The following CADM1 variants were observed in gnomAD, a reference collection of about 807,000 sequenced individuals.
CADM1 encodes the protein cell adhesion molecule 1.
A neutral mutation model predicts 53.1 loss-of-function variants in CADM1; 15 were observed. The observed-to-expected ratio is 0.28, with a 90% CI of 0.19 to 0.44. The LOEUF is 0.44. Among genes scored for constraint, CADM1 ranks in the 20% least tolerant of loss-of-function variants. CADM1 has a pLI of 1.00. For missense variants in CADM1, 434 were observed against 611.3 expected, an observed-to-expected ratio of 0.71 and a Z score of 3.06; for synonymous variants, 281 against 243.0, an observed-to-expected ratio of 1.16 and a Z score of -1.45.
At chr11:115,417,540 A>C (rs1331602349) in intron 1 of CADM1, among the ~76,000 whole-genome samples, 1 of 152,218 alleles carries the variant, frequency 6.6e-6, no homozygotes, top group African/African-American at 2.4e-5. Context: ...AAACAGAATA[A>C]GTAAAATGAA....
At chr11:115,217,802 G>A in intron 6 of CADM1, 90 bp downstream of exon 6, 1 of 825,166 alleles carries the variant, frequency 1.2e-6, no homozygotes, top group Non-Finnish European at 2.2e-6. Context: ...CAGGAGACAG[G>A]TGACAGGCCA....
intron 1 of CADM1, among the ~76,000 whole-genome samples, chr11:115,483,276 T>C (rs1949296343): frequency 6.6e-6 from 1 of 152,234 alleles, no homozygotes; most frequent in African/African-American, 2.4e-5. Flanking sequence ...GCTTAAGAGT[T>C]GCATTAACCT....
At chr11:115,414,015 AC>A (rs1449511605) in intron 1 of CADM1, among the ~76,000 whole-genome samples, 1 of 151,996 alleles carries the variant, frequency 6.6e-6, no homozygotes, top group Non-Finnish European at 1.5e-5. Context: ...ATGATATCAC[AC>A]TCATAAGGAA....
chr11:115,293,427 C>G (rs759980812), intron 1 of CADM1, among the ~76,000 whole-genome samples: 9 of 151,960 alleles, frequency 5.9e-5, no homozygotes, highest in Non-Finnish European at 7.4e-5. Context: ...AGCGAGACTC[C>G]GTCTCAAAAA....
At chr11:115,276,047 C>T (rs1366128270) in intron 1 of CADM1, among the ~76,000 whole-genome samples, 2 of 152,096 alleles carry the variant, frequency 1.3e-5, no homozygotes, top group East Asian at 3.8e-4. Flanking sequence ...AAGGAGAAAA[C>T]AGGTTATTTA....
At chr11:115,439,185 C>CATAGTAA (rs545468348) in intron 1 of CADM1, among the ~76,000 whole-genome samples, 19,046 of 152,150 alleles carry the variant, frequency 0.13, 1,565 homozygotes, top group Non-Finnish European at 0.18. Context: ...AAAGGCTAAC[C>CATAGTAA]AGGTATCCAT....
At chr11:115,485,826 G>A (rs1949361155) in intron 1 of CADM1, among the ~76,000 whole-genome samples, 1 of 152,180 alleles carries the variant, frequency 6.6e-6, no homozygotes, top group Non-Finnish European at 1.5e-5. Flanking sequence ...TTTCAAATCT[G>A]TATCTGCAGC....
At chr11:115,474,290 CAAAAAAAAA>C (rs60168853) in intron 1 of CADM1, among the ~76,000 whole-genome samples, 3 of 20,212 alleles carry the variant, frequency 1.5e-4, no homozygotes, top group African/African-American at 3.6e-4. Context: ...GACTCCATCT[CAAAAAAAAA>C]AAAAAAAAAA....
chr11:115,267,293 T>C (rs181530216), intron 1 of CADM1, among the ~76,000 whole-genome samples: 1 of 152,246 alleles, frequency 6.6e-6, no homozygotes, highest in Non-Finnish European at 1.5e-5. Flanking sequence ...AGACAAACTT[T>C]CGATTTGTTT....
In CADM1 at chr11:115,223,124, C is replaced by T. The variant is rs559641968; in HGVS notation, c.722-5133G>A. Among the ~76,000 whole-genome samples, 4 of 152,250 alleles carry T rather than the reference C, an allele frequency of 2.6e-5. No homozygotes were observed. The South Asian group carries it at 6.2e-4, about 24-fold the overall frequency. On this transcript the variant is annotated intron_variant, in intron 5 of 11. Coordinates refer to ENST00000331581, the MANE Select transcript of CADM1 (RefSeq NM_001301043.2). ...ATTGGGGCATGGACTTCTCCTTCCA[C>T]CTTTACTACTGATTAAAAAATAAAT...
Position 115,462,059 on chromosome 11 carries a change from C to T in CADM1, c.124+42212G>A, listed in dbSNP as rs147602687. The stretch of plus-strand genomic sequence containing the variant: ...GAAAAAAGAGCTAGCCCAAGTGCTG[C>T]CAAATAATGCTATCCAAAGAGGTAC... On this transcript the variant is annotated intron_variant, in intron 1 of 11. Coordinates refer to ENST00000331581, the MANE Select transcript of CADM1 (RefSeq NM_001301043.2). 7.4e-4 allele frequency among the ~76,000 whole-genome samples: 113 copies of T among 152,142 alleles called. No homozygotes were observed. The East Asian group carries it at 0.02, about 27-fold the overall frequency.
At chr11:115,286,074 C>G (rs1013435942) in intron 1 of CADM1, among the ~76,000 whole-genome samples, 1 of 152,174 alleles carries the variant, frequency 6.6e-6, no homozygotes, top group Non-Finnish European at 1.5e-5. Context: ...GAGACATAAT[C>G]AGCTCTTAGT....
intron 10 of CADM1, among the ~76,000 whole-genome samples, chr11:115,182,078 C>T (rs748036406): frequency 1.3e-5 from 2 of 152,170 alleles, no homozygotes; most frequent in Non-Finnish European, 2.9e-5. Flanking sequence ...CCCCATGAGC[C>T]ACAGATCCTG....
intron 1 of CADM1, among the ~76,000 whole-genome samples, chr11:115,446,987 A>G (rs1948465909): frequency 6.6e-6 from 1 of 152,298 alleles, no homozygotes; most frequent in Middle Eastern, 3.4e-3. Flanking sequence ...TACAGCTAGA[A>G]AAAAAGAGGT....
At position 115,374,716 on chromosome 11, in the gene CADM1, A is replaced by T. The variant is rs60600829; in HGVS notation, c.124+129555T>A. Reference sequence around the variant, plus strand: ...TATTTGACTAATAAGAAATAAAAAAATTTTTAAAAAACATGTTAAACAACA... The same window carrying T: ...TATTTGACTAATAAGAAATAAAAAATTTTTTAAAAAACATGTTAAACAACA... On this transcript the variant is annotated intron_variant, in intron 1 of 11. Coordinates refer to ENST00000331581, the MANE Select transcript of CADM1 (RefSeq NM_001301043.2). Among the ~76,000 whole-genome samples, 1,303 of 152,298 alleles carry T rather than the reference A, an allele frequency of 8.6e-3. 18 individuals carry two copies. The highest frequency in any genetic ancestry group is 0.028 in the African/African-American group (1,156 of 41,572).
chr11:115,462,359 C>G (rs1393669129), intron 1 of CADM1, among the ~76,000 whole-genome samples: 3 of 152,182 alleles, frequency 2.0e-5, no homozygotes, highest in Non-Finnish European at 4.4e-5. Flanking sequence ...TTGCATATCA[C>G]CTGCACTACA....
chr11:115,504,380 C>T lies in CADM1; in HGVS notation c.15G>A (p.Val5=). 1.3e-6 allele frequency: 2 copies of T among 1,547,242 alleles called. No homozygotes were observed. Among genetic ancestry groups the T allele is most frequent in the East Asian group, 2.4e-5 (1 of 40,844 alleles). ...CCGCACACTGGGATCCGCTCGGCAG[C>T]ACTACACTCGCCATGTCGGGCACCT... MASV[V]LPSGSQCAAA... is the part of the protein sequence containing the mutation. Residue 5 remains valine, a synonymous_variant, in exon 1 of 12, where the codon GTG becomes GTA. Transcript: ENST00000331581.
chr11:115,432,242 G>A (rs1411425474), intron 1 of CADM1, among the ~76,000 whole-genome samples: 1 of 152,054 alleles, frequency 6.6e-6, no homozygotes, highest in East Asian at 1.9e-4. Flanking sequence ...ACCACACCCG[G>A]CCCTAAATAT....
intron 1 of CADM1, among the ~76,000 whole-genome samples, chr11:115,465,178 C>G (rs1414211823): frequency 6.6e-6 from 1 of 152,174 alleles, no homozygotes; most frequent in Non-Finnish European, 1.5e-5. Context: ...CCGTTGATCT[C>G]TGCCTATGAG....
Sources: allele counts gnomAD v4.1 joint callset (sites outside exome capture counted in the v4.1 genomes callset), GRCh38; gene constraint gnomAD v4.1.1; transcripts MANE v1.5; gene names NCBI Gene and HGNC (gene_info 2026-07-23, HGNC 2026-07-21).